SEPTIN7: variants seen among roughly 807,000 people sequenced by gnomAD.
The protein encoded by SEPTIN7 is septin 7.
A neutral mutation model predicts 63.3 loss-of-function variants in SEPTIN7; 10 were observed. That is an observed-to-expected ratio of 0.16 (90% CI 0.10 to 0.27). SEPTIN7 has a LOEUF of 0.27. Ranked by LOEUF, SEPTIN7 falls within the 10% of genes least tolerant of loss-of-function variation. The pLI is 1.00. For missense variants in SEPTIN7, 310 were observed against 521.0 expected (o/e 0.59, Z 3.94); for synonymous variants, 131 against 165.3 (o/e 0.79, Z 1.59).
intron 2 of SEPTIN7, 71 bp downstream of exon 2, chr7:35,831,567 G>A (rs1202286485): frequency 7.7e-6 from 3 of 387,792 alleles, no homozygotes; most frequent in Non-Finnish European, 1.5e-5. Context: ...ATAGTTGGAT[G>A]AAATATGAGC....
chr7:35,909,909 T>C (rs1341169277), downstream of SEPTIN7, among the ~76,000 whole-genome samples: 1 of 152,238 alleles, frequency 6.6e-6, no homozygotes, highest in Non-Finnish European at 1.5e-5. Flanking sequence ...GCGGTTTAGC[T>C]GGGTGGTCTG....
At chr7:35,877,417 C>T (rs1375505004) in intron 6 of SEPTIN7, among the ~76,000 whole-genome samples, 1 of 152,150 alleles carries the variant, frequency 6.6e-6, no homozygotes, top group Admixed American at 6.5e-5. Context: ...ACTGGACTAT[C>T]TTATTAGTCT....
rs73098520 is a variant in SEPTIN7, at chr7:35,869,293, G to A, written c.277-3373G>A. Among the ~76,000 whole-genome samples the A allele has an allele frequency of 8.9e-3, 1,348 of 152,238 alleles. 9 individuals are homozygous for A. The highest frequency in any genetic ancestry group is 0.014 in the Non-Finnish European group (967 of 68,006). ...AAGTAGTTCTGGGTCTTGATGAGAA[G>A]GAGGTATTCTTTAAGCATAACTGTT... On this transcript the variant is annotated intron_variant, in intron 4 of 13. Coordinates refer to ENST00000350320, the MANE Select transcript of SEPTIN7 (RefSeq NM_001788.6).
At chr7:35,805,810 C>T (rs1160120452) in intron 1 of SEPTIN7, among the ~76,000 whole-genome samples, 2 of 152,096 alleles carry the variant, frequency 1.3e-5, no homozygotes, top group African/African-American at 4.8e-5. Flanking sequence ...TCCTCCTTCC[C>T]CACTGATCTG....
intron 10 of SEPTIN7, among the ~76,000 whole-genome samples, chr7:35,887,190 A>G (rs558866662): frequency 1.3e-5 from 2 of 152,364 alleles, no homozygotes; most frequent in East Asian, 1.9e-4. Context: ...AATAAATACT[A>G]ATTTACCATT....
At chr7:35,871,306 A>AT (rs1355758580) in intron 4 of SEPTIN7, among the ~76,000 whole-genome samples, 2 of 152,138 alleles carry the variant, frequency 1.3e-5, no homozygotes, top group African/African-American at 2.4e-5. Context: ...TCATAATAAA[A>AT]TTTTTTTAAC....
intron 4 of SEPTIN7, among the ~76,000 whole-genome samples, chr7:35,866,807 C>T (rs574443989): frequency 3.2e-4 from 49 of 152,252 alleles, no homozygotes; most frequent in African/African-American, 1.2e-3. Context: ...TTTCCAGATG[C>T]GAGCTGACAC....
chr7:35,882,638 C>G, intron 8 of SEPTIN7, 62 bp downstream of exon 8: 2 of 1,246,732 alleles, frequency 1.6e-6, no homozygotes, highest in Non-Finnish European at 2.0e-6. Flanking sequence ...ACTACAGCGT[C>G]CACAGGAAAG....
intron 4 of SEPTIN7, among the ~76,000 whole-genome samples, chr7:35,867,721 T>C (rs1785901319): frequency 6.6e-6 from 1 of 152,196 alleles, no homozygotes; most frequent in Non-Finnish European, 1.5e-5. Flanking sequence ...TGGGAAGAAA[T>C]TATCCTTTCT....
Position 35,833,334 on chromosome 7 carries a change from A to T in SEPTIN7, c.169+434A>T, listed in dbSNP as rs1206452033. Among the ~76,000 whole-genome samples, 5 of 152,134 alleles carry T rather than the reference A, an allele frequency of 3.3e-5. No individual in the cohort carries two copies. The East Asian group carries it at 9.6e-4, about 29-fold the overall frequency. On this transcript the variant is annotated intron_variant, in intron 3 of 13. Transcript: ENST00000350320. The stretch of plus-strand genomic sequence containing the variant: ...GAGGATCATAATAATGTAGTTGATT[A>T]CCCTTGGAATTCATTAATTGAATGT...
At chr7:35,898,199 T>C (rs1432545111) in intron 11 of SEPTIN7, 49 bp from the exon 12 acceptor site, 1 of 1,412,504 alleles carries the variant, frequency 7.1e-7, no homozygotes. Flanking sequence ...TTCTGTATTA[T>C]AATTTTTATT....
chr7:35,897,036 G>A (rs1787997361), intron 11 of SEPTIN7, among the ~76,000 whole-genome samples: 1 of 152,080 alleles, frequency 6.6e-6, no homozygotes, highest in Non-Finnish European at 1.5e-5. Context: ...GCCTAATAAG[G>A]AGAAAAGTCA....
chr7:35,862,224 T>C (rs1785547073), intron 3 of SEPTIN7, among the ~76,000 whole-genome samples: 1 of 152,168 alleles, frequency 6.6e-6, no homozygotes, highest in African/African-American at 2.4e-5. Context: ...TTCAGACTTC[T>C]ATTTTTCTTC....
At position 35,849,291 on chromosome 7, in the gene SEPTIN7, T is replaced by C. The variant is rs891477958; in HGVS notation, c.170-14261T>C. On this transcript the variant is annotated intron_variant, in intron 3 of 13. Transcript: ENST00000350320. The stretch of plus-strand genomic sequence containing the variant: ...GGGACTGGTTTCGTGGAAGACAATT[T>C]TTCTGCCAGGGTGTGTGTGTGTGGG... Among the ~76,000 whole-genome samples the C allele has an allele frequency of 2.8e-4, 42 of 152,146 alleles. 2 individuals are homozygous for C.
chr7:35,851,823 G>A (rs1038678860), intron 3 of SEPTIN7, among the ~76,000 whole-genome samples: 1 of 152,158 alleles, frequency 6.6e-6, no homozygotes, highest in Non-Finnish European at 1.5e-5. Context: ...TGGTATGGAA[G>A]TAAATATTAC....
At chr7:35,811,285 A>G (rs1765545582) in intron 1 of SEPTIN7, among the ~76,000 whole-genome samples, 3 of 152,184 alleles carry the variant, frequency 2.0e-5, no homozygotes, top group African/African-American at 7.2e-5. Flanking sequence ...CGATCTATAC[A>G]AGGAAAAATT....
At chr7:35,828,452 TGCAACCTCTGCCTCCCA>T (rs772017909) in intron 1 of SEPTIN7, among the ~76,000 whole-genome samples, 8 of 152,178 alleles carry the variant, frequency 5.3e-5, no homozygotes, top group Non-Finnish European at 1.0e-4. Context: ...CTCAGCTCAC[TGCAACCTCTGCCTCCCA>T]GGTTCAAGCG....
intron 1 of SEPTIN7, among the ~76,000 whole-genome samples, chr7:35,813,366 T>A (rs1433928857): frequency 6.6e-6 from 1 of 152,160 alleles, no homozygotes; most frequent in Admixed American, 6.5e-5. Context: ...TATTCCTTTT[T>A]TTTTTTTGGA....
chr7:35,872,610 T>C (rs1171922627), intron 4 of SEPTIN7, 56 bp from the exon 5 acceptor site: 4 of 1,347,802 alleles, frequency 3.0e-6, no homozygotes, highest in Non-Finnish European at 4.2e-6. Flanking sequence ...TCACCCCTTG[T>C]AGGAAATCAC....
Sources: gnomAD v4.1 joint callset for allele counts (sites outside exome capture counted in the v4.1 genomes callset) on GRCh38, gnomAD v4.1.1 for gene constraint, MANE v1.5 for transcripts, NCBI Gene and HGNC (gene_info 2026-07-23, HGNC 2026-07-21) for gene names.